Variants in NEDD9 observed in about 807,000 individuals in gnomAD.
NEDD9 encodes the protein enhancer of filamentation 1.
NEDD9 carries 26 observed loss-of-function variants against 76.6 expected under a neutral mutation model. The ratio of observed to expected loss-of-function variants is 0.34; its 90% CI spans 0.25 to 0.47. NEDD9 has a LOEUF of 0.47. NEDD9 is among the 20% of genes least tolerant of loss of function. The pLI, the probability that NEDD9 is intolerant of heterozygous loss-of-function variation, is 1.00. For missense variants in NEDD9, 937 were observed against 1,058.5 expected (o/e 0.89, Z 1.59); for synonymous variants, 392 against 414.2 (o/e 0.95, Z 0.65).
At chr6:11,367,787 A>G (rs1762794616) in intron 1 of NEDD9, among the ~76,000 whole-genome samples, 1 of 152,224 alleles carries the variant, frequency 6.6e-6, no homozygotes, top group Non-Finnish European at 1.5e-5. Context: ...TCCAGGAGTG[A>G]ATGGCATCCC....
chr6:11,342,004 T>A (rs1210579314), intron 1 of NEDD9, among the ~76,000 whole-genome samples: 6 of 152,064 alleles, frequency 3.9e-5, no homozygotes, highest in Non-Finnish European at 8.8e-5. Flanking sequence ...ATGGGAACCC[T>A]AAAAAGAAAC....
chr6:11,294,980 G>T (rs777536851), intron 3 of NEDD9, among the ~76,000 whole-genome samples: 2 of 152,214 alleles, frequency 1.3e-5, no homozygotes, highest in African/African-American at 2.4e-5. Context: ...TTTGTAAAGG[G>T]CAGTTCCACT....
chr6:11,200,428 A>G (rs1758414333), intron 2 of NEDD9: 1 of 762,170 alleles, frequency 1.3e-6, no homozygotes, highest in South Asian at 2.1e-5. Flanking sequence ...TGTACTGAAA[A>G]TACAATGTCC....
At chr6:11,262,071 G>A (rs1297345008) in intron 3 of NEDD9, among the ~76,000 whole-genome samples, 2 of 152,104 alleles carry the variant, frequency 1.3e-5, no homozygotes, top group Non-Finnish European at 2.9e-5. Context: ...TTTGGAATAT[G>A]CCCCAGTGTA....
rs143683518 is a variant in NEDD9, at chr6:11,274,719, G to A, written c.12+31273C>T. Among the ~76,000 whole-genome samples the A allele has an allele frequency of 5.3e-3, 802 of 152,316 alleles. 2 individuals carry two copies. Among genetic ancestry groups the A allele is most frequent in the Non-Finnish European group, 9.0e-3 (614 of 68,016 alleles). On this transcript the variant is annotated intron_variant, in intron 3 of 3. Coordinates refer to the NEDD9 transcript ENST00000397378. ...AATAAAGCATGAAAAAACCAATGAT[G>A]TGTGTTGGTGAAGATGTGAATAAAA...
intron 1 of NEDD9, among the ~76,000 whole-genome samples, chr6:11,226,190 G>A (rs189699050): frequency 8.9e-4 from 136 of 152,314 alleles, no homozygotes; most frequent in Admixed American, 2.4e-3. Context: ...TTACTGCAGA[G>A]AGATGGCTGG....
chr6:11,382,157 C>G (rs976093082), exon 1 of NEDD9: 1 of 152,212 alleles, frequency 6.6e-6, no homozygotes, highest in Non-Finnish European at 1.5e-5. Flanking sequence ...AGGATGGAAC[C>G]GCTGGTGGAT....
At chr6:11,256,910 C>G (rs1760014393) in intron 3 of NEDD9, among the ~76,000 whole-genome samples, 1 of 152,222 alleles carries the variant, frequency 6.6e-6, no homozygotes, top group African/African-American at 2.4e-5. Flanking sequence ...TATTTGTAGG[C>G]TGACCCACTC....
intron 2 of NEDD9, among the ~76,000 whole-genome samples, chr6:11,309,449 T>G (rs1352221407): frequency 6.6e-6 from 1 of 152,186 alleles, no homozygotes; most frequent in African/African-American, 2.4e-5. Context: ...CTTCCTGCCT[T>G]CCTTGTTTCT....
chr6:11,278,766 G>A (rs1301659381), intron 3 of NEDD9, among the ~76,000 whole-genome samples: 1 of 152,160 alleles, frequency 6.6e-6, no homozygotes, highest in Non-Finnish European at 1.5e-5. Flanking sequence ...CAATTCTGGA[G>A]ATGGGACCCA....
chr6:11,223,536 T>G (rs1259376365), intron 1 of NEDD9, among the ~76,000 whole-genome samples: 1 of 151,862 alleles, frequency 6.6e-6, no homozygotes, highest in East Asian at 1.9e-4. Flanking sequence ...TTATCATGAT[T>G]ACACCTGCCA....
At chr6:11,272,773 A>G (rs902054266) in intron 3 of NEDD9, among the ~76,000 whole-genome samples, 13 of 152,178 alleles carry the variant, frequency 8.5e-5, no homozygotes, top group Admixed American at 2.6e-4. Flanking sequence ...TGGGAGCCGC[A>G]GTTGGAAGCA....
intron 1 of NEDD9, among the ~76,000 whole-genome samples, chr6:11,357,730 A>G (rs868207163): frequency 1.3e-5 from 2 of 152,362 alleles, no homozygotes; most frequent in Middle Eastern, 3.4e-3. Context: ...TGACCCTAAG[A>G]AAACAAGATG....
chr6:11,339,912 A>G lies in NEDD9; in HGVS notation c.-213-5351T>C, dbSNP rs186545359. ...AATAAAGCCATTCAGCTGTACGGTA[A>G]TGATATCCTACTTCTTATGGTTGAT... On this transcript the variant is annotated intron_variant, in intron 1 of 3. Transcript: ENST00000397378. Among the ~76,000 whole-genome samples, 653 of 152,334 alleles carry G rather than the reference A, an allele frequency of 4.3e-3. 2 individuals are homozygous for G. Among genetic ancestry groups the G allele is most frequent in the African/African-American group, 0.015 (620 of 41,572 alleles).
chr6:11,377,124 A>T (rs2113578271), intron 1 of NEDD9, among the ~76,000 whole-genome samples: 1 of 152,360 alleles, frequency 6.6e-6, no homozygotes, highest in Non-Finnish European at 1.5e-5. Context: ...GCTCAGGCAG[A>T]AGCCTACTGC....
At chr6:11,258,214 C>A (rs781626109) in intron 3 of NEDD9, among the ~76,000 whole-genome samples, 4 of 152,154 alleles carry the variant, frequency 2.6e-5, no homozygotes, top group Non-Finnish European at 4.4e-5. Context: ...TTACAGGGCT[C>A]AGAGCATTCA....
chr6:11,224,771 G>A (rs1031599269), intron 1 of NEDD9, among the ~76,000 whole-genome samples: 16 of 152,120 alleles, frequency 1.1e-4, no homozygotes, highest in African/African-American at 3.9e-4. Context: ...GAGGGTGTTG[G>A]GGGGCAGAAA....
chr6:11,211,516 A>G (rs1362242803), intron 2 of NEDD9, among the ~76,000 whole-genome samples: 2 of 152,140 alleles, frequency 1.3e-5, no homozygotes, highest in African/African-American at 4.8e-5. Context: ...TAAGGTGCAA[A>G]CAACCAGGAC....
At chr6:11,276,461 T>C (rs1486252404) in intron 3 of NEDD9, among the ~76,000 whole-genome samples, 2 of 152,140 alleles carry the variant, frequency 1.3e-5, no homozygotes, top group Non-Finnish European at 2.9e-5. Flanking sequence ...TTATCTAAAA[T>C]GTAAGTTCCT....
Sources: gnomAD v4.1 joint callset for allele counts (sites outside exome capture counted in the v4.1 genomes callset) on GRCh38, gnomAD v4.1.1 for gene constraint, MANE v1.5 for transcripts, NCBI Gene and HGNC (gene_info 2026-07-23, HGNC 2026-07-21) for gene names.